Variants in HMGXB3 observed in about 807,000 individuals in gnomAD.
The protein encoded by HMGXB3 is HMG-box containing 3.
HMGXB3 carries 45 observed loss-of-function variants against 121.5 expected under a neutral mutation model. That is an observed-to-expected ratio of 0.37 (90% CI 0.29 to 0.47). HMGXB3 has a LOEUF of 0.47. HMGXB3 is among the 20% of genes least tolerant of loss of function. HMGXB3 has a pLI of 0.99. For synonymous variants in HMGXB3, 590 were observed against 624.1 expected, an observed-to-expected ratio of 0.95 and a Z score of 0.81; for missense variants, 1,376 against 1,602.2, an observed-to-expected ratio of 0.86 and a Z score of 2.41.
intron 9 of HMGXB3, among the ~76,000 whole-genome samples, chr5:150,028,501 ATGTATGTGTGTGTGTG>A (rs1406439377): frequency 1.7e-4 from 16 of 96,850 alleles, no homozygotes; most frequent in East Asian, 2.9e-4. Context: ...ATATATATGT[ATGTATGTGTGTGTGTG>A]TGTGTGTGTG....
At chr5:150,022,986 A>ATTTTTTTTTTT (rs56092645) in intron 6 of HMGXB3, among the ~76,000 whole-genome samples, 1 of 100,868 alleles carries the variant, frequency 9.9e-6, no homozygotes, top group African/African-American at 4.4e-5. Context: ...TGCCTGGCTA[A>ATTTTTTTTTTT]TTTTTTTTTT....
At chr5:150,014,597 G>C (rs1485131814) in intron 5 of HMGXB3, among the ~76,000 whole-genome samples, 1 of 152,036 alleles carries the variant, frequency 6.6e-6, no homozygotes, top group Non-Finnish European at 1.5e-5. Context: ...TCTTACCCAG[G>C]TACACACCAC....
chr5:150,029,139 GTGTT>G (rs1275189106), intron 9 of HMGXB3, among the ~76,000 whole-genome samples: 9 of 152,074 alleles, frequency 5.9e-5, no homozygotes, highest in African/African-American at 2.2e-4. Context: ...GAATTTGTGT[GTGTT>G]TATTTTTTAA....
intron 5 of HMGXB3, among the ~76,000 whole-genome samples, chr5:150,017,441 A>G (rs1022904625): frequency 6.6e-6 from 1 of 152,208 alleles, no homozygotes; most frequent in African/African-American, 2.4e-5. Flanking sequence ...CGCCTATAAA[A>G]TAGGAAGAAC....
chr5:150,010,441 C>G lies in HMGXB3; in HGVS notation c.643C>G (p.Leu215Val). Reference sequence around the variant, plus strand: ...CTCAGAGATCCTCAGCCAGGATGTGCTCCTAGAGGACGCTTCCCTAGAAGT... The same window carrying G: ...CTCAGAGATCCTCAGCCAGGATGTGGTCCTAGAGGACGCTTCCCTAGAAGT... ...ATSEILSQDV[L>V]LEDASLEVGE... The change falls in exon 4 of 20, where the codon CTC becomes GTC. Residue 215 changes from leucine to valine, a missense_variant. Physicochemically the swap from Leu to Val is conservative, Grantham distance 32 (BLOSUM62 1). Around this residue, in one of 2 missense-constraint regions of HMGXB3, gnomAD observed 1,116 missense variants for 1,369.0 expected, o/e 0.82. Transcript: ENST00000502717. 6.4e-7 allele frequency: 1 copy of G among 1,551,676 alleles called. No individual in the cohort carries two copies. The highest frequency in any genetic ancestry group is 8.7e-7 in the Non-Finnish European group (1 of 1,147,000).
At chr5:150,023,019 T>G (rs1756139472) in intron 6 of HMGXB3, among the ~76,000 whole-genome samples, 1 of 137,992 alleles carries the variant, frequency 7.2e-6, no homozygotes. Context: ...TGTAGAGATG[T>G]GGTCTTGCCA....
In HMGXB3 at chr5:150,051,886, G is replaced by A. The variant is rs1327488938; in HGVS notation, c.3573G>A (p.Leu1191=). The change falls in exon 20 of 20, where the codon TTG becomes TTA. Residue 1191 remains leucine (L), a synonymous_variant. Coordinates refer to ENST00000502717, the MANE Select transcript of HMGXB3 (RefSeq NM_014983.3). ...ACCCCAGTGCTGGGCACCACTCCTTGGCCCTGTGCCCTGAATTGGCACCTT... is the reference window on the plus strand; with the variant it reads ...ACCCCAGTGCTGGGCACCACTCCTTAGCCCTGTGCCCTGAATTGGCACCTT... ...PGDPSAGHHS[L]ALCPELAPYA... is the part of the protein sequence containing the mutation. 7.1e-6 allele frequency: 11 copies of A among 1,551,486 alleles called. No individual in the cohort carries two copies. The highest frequency in any genetic ancestry group is 2.0e-5 in the Admixed American group (1 of 50,996).
Position 150,024,564 on chromosome 5 carries a change from G to A in HMGXB3, c.1344G>A (p.Val448=), listed in dbSNP as rs368020441. 7.6e-5 allele frequency: 118 copies of A among 1,551,746 alleles called. 1 individual carries two copies. Among genetic ancestry groups the A allele is most frequent in the Non-Finnish European group, 9.2e-5 (106 of 1,147,012 alleles). ...VTKTPVVKSG[V]QPEVTLGTTD... ...AGACGCCAGTCGTCAAAAGTGGTGT[G>A]CAGCCTGAGGTCACTCTGGGGACAA... Residue 448 remains valine (V), a synonymous_variant, in exon 7 of 20, where the codon GTG becomes GTA. Transcript: ENST00000502717.
chr5:150,049,215 C>G (rs1169535920), intron 18 of HMGXB3, among the ~76,000 whole-genome samples: 1 of 152,148 alleles, frequency 6.6e-6, no homozygotes, highest in African/African-American at 2.4e-5. Context: ...GGAGGGCTCC[C>G]CCGGGGGGCC....
Position 150,030,749 on chromosome 5 carries a change from T to G in HMGXB3, c.1743T>G (p.Ser581Arg). ...PSGPGEVKLPSGPSNRTSQVK... is the reference protein window; with the variant it reads ...PSGPGEVKLPRGPSNRTSQVK... Reference sequence around the variant, plus strand: ...TTTGTTCTGATCCACAGCTACCAAGTGGCCCATCCAACAGGACTTCTCAGG... The same window carrying G: ...TTTGTTCTGATCCACAGCTACCAAGGGGCCCATCCAACAGGACTTCTCAGG... Residue 581 changes from serine to arginine, a missense_variant, in exon 10 of 20, where the codon AGT (serine) becomes AGG (arginine). Ser to Arg is a moderately radical substitution (Grantham distance 110, BLOSUM62 -1). Transcript: ENST00000502717. The G allele has an allele frequency of 6.4e-7, 1 of 1,551,950 alleles. No individual in the cohort carries two copies. Among genetic ancestry groups the G allele is most frequent in the South Asian group, 1.2e-5 (1 of 84,048 alleles).
intron 11 of HMGXB3, among the ~76,000 whole-genome samples, chr5:150,034,620 G>C (rs1475041982): frequency 1.3e-5 from 2 of 152,210 alleles, no homozygotes; most frequent in South Asian, 4.1e-4. Flanking sequence ...CCCACCCCCA[G>C]GACCCTCATC....
chr5:150,010,440 G>C lies in HMGXB3; in HGVS notation c.642G>C (p.Val214=). The change falls in exon 4 of 20, where the codon GTG becomes GTC. Residue 214 remains valine, a synonymous_variant. Coordinates refer to ENST00000502717, the MANE Select transcript of HMGXB3 (RefSeq NM_014983.3). ...CCTCAGAGATCCTCAGCCAGGATGT[G>C]CTCCTAGAGGACGCTTCCCTAGAAG... ...IATSEILSQD[V]LLEDASLEVG... 6.4e-7 allele frequency: 1 copy of C among 1,551,676 alleles called. No homozygotes were observed. Among genetic ancestry groups the C allele is most frequent in the Admixed American group, 2.0e-5 (1 of 50,990 alleles).
rs1167837677 is a variant in HMGXB3, at chr5:150,052,741, G to GT, written c.*550dup. 2 of 154,548 alleles carry GT rather than the reference G, an allele frequency of 1.3e-5. No individual in the cohort carries two copies. The highest frequency in any genetic ancestry group is 4.8e-5 in the African/African-American group (2 of 41,418). The allele number at this position is 154,548 out of a possible 1,614,324, so 9.6% of individuals were successfully genotyped here. A position where few individuals can be genotyped will look rare whatever the true frequency, so the allele number is the denominator to read the frequency against. ...GATGCATTTCTCTCTTGCTCTTCCT[G>GT]TACCCACATTTGGGGGAAGCTGAGG... On this transcript the variant is annotated 3_prime_UTR_variant, in exon 20 of 20. Transcript: ENST00000502717.
At chr5:150,023,891 C>A (rs945404432) in intron 6 of HMGXB3, among the ~76,000 whole-genome samples, 5 of 152,186 alleles carry the variant, frequency 3.3e-5, no homozygotes, top group Non-Finnish European at 5.9e-5. Flanking sequence ...GCTTTTAGGC[C>A]CTGTATGGCA....
intron 15 of HMGXB3, among the ~76,000 whole-genome samples, chr5:150,044,179 G>A (rs887946368): frequency 6.6e-6 from 1 of 151,974 alleles, no homozygotes; most frequent in African/African-American, 2.4e-5. Flanking sequence ...TATGTGTGGG[G>A]AGAGAGTATC....
chr5:150,007,871 T>C (rs1286336682), intron 3 of HMGXB3, among the ~76,000 whole-genome samples: 2 of 152,014 alleles, frequency 1.3e-5, no homozygotes, highest in African/African-American at 2.4e-5. Context: ...CCTGGGCAAG[T>C]TGGCGAAACT....
chr5:150,051,989 A>C lies in HMGXB3; in HGVS notation c.3676A>C (p.Thr1226Pro), dbSNP rs1211059049. 2 of 1,552,012 alleles carry C rather than the reference A, an allele frequency of 1.3e-6. No homozygotes were observed. Among genetic ancestry groups the C allele is most frequent in the South Asian group, 1.2e-5 (1 of 84,062 alleles). ...RQRPIAFDNATHYYLYNRLMD... is the reference protein window; with the variant it reads ...RQRPIAFDNAPHYYLYNRLMD... ...GCGGCCCATTGCCTTCGACAATGCC[A>C]CTCACTATTACCTCTACAACCGCCT... Residue 1226 changes from threonine to proline, a missense_variant, in exon 20 of 20, where the codon ACT becomes CCT. Around this residue, in one of 2 missense-constraint regions of HMGXB3, gnomAD observed 260 missense variants for 233.2 expected, o/e 1.11. Coordinates refer to ENST00000502717, the MANE Select transcript of HMGXB3 (RefSeq NM_014983.3).
intron 17 of HMGXB3, among the ~76,000 whole-genome samples, chr5:150,048,076 C>T (rs1581268082): frequency 6.6e-6 from 1 of 152,190 alleles, no homozygotes; most frequent in Admixed American, 6.5e-5. Flanking sequence ...ATGGAAATAA[C>T]CAAAATACTA....
chr5:150,020,065 T>C (rs1561860828), intron 6 of HMGXB3, among the ~76,000 whole-genome samples: 1 of 152,254 alleles, frequency 6.6e-6, no homozygotes. Context: ...CATCTGTCAA[T>C]GGAAGTTAGT....
Sources: allele counts gnomAD v4.1 joint callset (sites outside exome capture counted in the v4.1 genomes callset), GRCh38; gene constraint gnomAD v4.1.1; regional missense constraint gnomAD v4.1.1; transcripts MANE v1.5; gene names NCBI Gene and HGNC (gene_info 2026-07-23, HGNC 2026-07-21).